The following SLC4A4 variants were observed in gnomAD, a reference collection of about 807,000 sequenced individuals.
SLC4A4 encodes electrogenic sodium bicarbonate cotransporter 1.
In SLC4A4, 27 loss-of-function variants were observed where a neutral mutation model predicts 111.5. That is an observed-to-expected ratio of 0.24 (90% confidence interval 0.18 to 0.33). The LOEUF (loss-of-function observed/expected upper bound fraction) is 0.33. Among genes scored for constraint, SLC4A4 ranks in the 10% least tolerant of loss-of-function variants. SLC4A4 has a pLI of 1.00. For missense variants in SLC4A4, 909 were observed against 1,315.5 expected (o/e 0.69, Z 4.78); for synonymous variants, 443 against 463.4 (o/e 0.96, Z 0.57).
At chr4:71,360,704 A>G (rs2148917541) in intron 6 of SLC4A4, among the ~76,000 whole-genome samples, 1 of 152,274 alleles carries the variant, frequency 6.6e-6, no homozygotes, top group Non-Finnish European at 1.5e-5. Flanking sequence ...TACTGATGCA[A>G]GAGTTTGGCC....
chr4:71,212,679 T>C (rs1718202092), intron 1 of SLC4A4, among the ~76,000 whole-genome samples: 1 of 152,172 alleles, frequency 6.6e-6, no homozygotes. Flanking sequence ...TGCACGCGTT[T>C]GTGTGTGTGC....
intron 2 of SLC4A4, among the ~76,000 whole-genome samples, chr4:71,139,058 A>AAGAATC (rs1743927022): frequency 6.6e-6 from 1 of 151,386 alleles, no homozygotes; most frequent in Admixed American, 6.6e-5. Flanking sequence ...AAAAAAAAAA[A>AAGAATC]AGAATCAGTG....
chr4:71,192,879 C>T (rs1383413874), intron 1 of SLC4A4, among the ~76,000 whole-genome samples: 1 of 152,206 alleles, frequency 6.6e-6, no homozygotes, highest in Admixed American at 6.5e-5. Flanking sequence ...AAGGTAACCA[C>T]TCTCCTAATT....
At chr4:71,079,177 T>C (rs548259436) in intron 1 of SLC4A4, among the ~76,000 whole-genome samples, 10 of 152,172 alleles carry the variant, frequency 6.6e-5, no homozygotes, top group Non-Finnish European at 1.2e-4. Flanking sequence ...GGTGAAATTG[T>C]GACATGCCTC....
intron 2 of SLC4A4, among the ~76,000 whole-genome samples, chr4:71,111,529 T>G (rs1743085891): frequency 1.5e-5 from 2 of 131,018 alleles, no homozygotes; most frequent in South Asian, 2.6e-4. Context: ...CTCAGGTTTT[T>G]TTTTTTTTTT....
intron 2 of SLC4A4, among the ~76,000 whole-genome samples, chr4:71,173,387 AT>A (rs1395822174): frequency 1.3e-5 from 2 of 151,958 alleles, no homozygotes; most frequent in African/African-American, 4.8e-5. Context: ...TAATTAATTA[AT>A]TTATTTATTT....
intron 1 of SLC4A4, among the ~76,000 whole-genome samples, chr4:71,212,905 A>G (rs1193590569): frequency 6.6e-6 from 1 of 152,210 alleles, no homozygotes; most frequent in Non-Finnish European, 1.5e-5. Context: ...CACATATATG[A>G]CAGCAGTCCC....
chr4:71,116,853 G>A (rs934550955), intron 2 of SLC4A4, among the ~76,000 whole-genome samples: 1 of 151,696 alleles, frequency 6.6e-6, no homozygotes, highest in East Asian at 1.9e-4. Context: ...TGAGGCAGAA[G>A]AATGGCTTGA....
At chr4:71,181,631 C>A (rs1341722342) in intron 2 of SLC4A4, among the ~76,000 whole-genome samples, 1 of 152,082 alleles carries the variant, frequency 6.6e-6, no homozygotes, top group Non-Finnish European at 1.5e-5. Flanking sequence ...TTTAATGTTC[C>A]AAAAAAGAAG....
At chr4:71,422,675 G>C (rs1379249109) in intron 7 of SLC4A4, among the ~76,000 whole-genome samples, 1 of 151,458 alleles carries the variant, frequency 6.6e-6, no homozygotes, top group Non-Finnish European at 1.5e-5. Context: ...ATGCATGGCT[G>C]GTTCAATATA....
chr4:71,345,431 G>C (rs1729240862), intron 4 of SLC4A4, among the ~76,000 whole-genome samples: 1 of 152,068 alleles, frequency 6.6e-6, no homozygotes, highest in Non-Finnish European at 1.5e-5. Flanking sequence ...AACCACTGTT[G>C]TATGAATGTT....
intron 1 of SLC4A4, among the ~76,000 whole-genome samples, chr4:71,193,411 G>A (rs972369279): frequency 8.5e-5 from 13 of 152,142 alleles, no homozygotes; most frequent in Non-Finnish European, 1.9e-4. Context: ...CGCCCGCCTT[G>A]GCCTCCCAAA....
chr4:71,100,695 AC>A (rs1742703658), intron 2 of SLC4A4, among the ~76,000 whole-genome samples: 1 of 152,092 alleles, frequency 6.6e-6, no homozygotes, highest in Admixed American at 6.6e-5. Flanking sequence ...TATCTAGAAA[AC>A]CCCACAGTCT....
At chr4:71,371,116 C>A (rs1731832842) in intron 6 of SLC4A4, among the ~76,000 whole-genome samples, 1 of 152,076 alleles carries the variant, frequency 6.6e-6, no homozygotes, top group Non-Finnish European at 1.5e-5. Flanking sequence ...GTTTTACCTA[C>A]CTATTCAACC....
intron 3 of SLC4A4, among the ~76,000 whole-genome samples, chr4:71,260,660 C>A (rs1721790972): frequency 6.6e-6 from 1 of 152,154 alleles, no homozygotes; most frequent in South Asian, 2.1e-4. Flanking sequence ...AGAAGGGACA[C>A]TTGTGTTGTA....
At chr4:71,167,379 C>T (rs1442665602) in intron 2 of SLC4A4, among the ~76,000 whole-genome samples, 1 of 152,170 alleles carries the variant, frequency 6.6e-6, no homozygotes, top group Admixed American at 6.5e-5. Context: ...GCCACATAGC[C>T]TTATTCCACT....
chr4:71,447,797 G>C, intron 9 of SLC4A4, 64 bp downstream of exon 9: 1 of 1,022,156 alleles, frequency 9.8e-7, no homozygotes, highest in Non-Finnish European at 1.5e-6. Context: ...ACTGTGAATT[G>C]GCTGTCACAA....
chr4:71,384,859 C>G (rs1328247612), intron 6 of SLC4A4, among the ~76,000 whole-genome samples: 1 of 151,504 alleles, frequency 6.6e-6, no homozygotes, highest in Non-Finnish European at 1.5e-5. Context: ...GTAGGAGCAT[C>G]ACACACAGGG....
chr4:71,189,330 CGTA>C (rs1443114875), intron 1 of SLC4A4, among the ~76,000 whole-genome samples: 3 of 152,050 alleles, frequency 2.0e-5, no homozygotes, highest in Non-Finnish European at 2.9e-5. Context: ...TTTTAGTTCA[CGTA>C]GTCAATATTA....
Sources: allele counts gnomAD v4.1 joint callset (sites outside exome capture counted in the v4.1 genomes callset), GRCh38; gene constraint gnomAD v4.1.1; transcripts MANE v1.5; gene names NCBI Gene and HGNC (gene_info 2026-07-23, HGNC 2026-07-21).